The following GOLGA4 variants were observed in gnomAD, a reference collection of about 807,000 sequenced individuals.
GOLGA4 encodes the protein golgin A4, also known as golgin subfamily A member 4.
GOLGA4 carries 169 observed loss-of-function variants against 265.9 expected under a neutral mutation model. That is an observed-to-expected ratio of 0.64 (90% CI 0.56 to 0.72). The LOEUF (loss-of-function observed/expected upper bound fraction) is 0.72, where lower values mean the gene tolerates loss of function less well. Among genes scored for constraint, GOLGA4 ranks in the 30% least tolerant of loss-of-function variants. The pLI, the probability that GOLGA4 is intolerant of heterozygous loss-of-function variation, is 0.00. For missense variants in GOLGA4, 2,482 were observed against 2,483.4 expected (o/e 1.00, Z 0.01); for synonymous variants, 923 against 855.8 (o/e 1.08, Z -1.37).
chr3:37,293,154 G>T (rs2096869343), intron 5 of GOLGA4, among the ~76,000 whole-genome samples: 1 of 152,218 alleles, frequency 6.6e-6, no homozygotes, highest in African/African-American at 2.4e-5. Flanking sequence ...CTTGAGGTAA[G>T]AAATCTGTCT....
At chr3:37,340,042 C>A (rs2097027920) in intron 19 of GOLGA4, 82 bp from the exon 20 acceptor site, 4 of 638,790 alleles carry the variant, frequency 6.3e-6, no homozygotes, top group African/African-American at 1.9e-5. Context: ...ATTAAAAAAC[C>A]TTGTGGTGAC....
intron 2 of GOLGA4, among the ~76,000 whole-genome samples, chr3:37,262,260 C>G (rs1047346282): frequency 6.6e-6 from 1 of 152,104 alleles, no homozygotes; most frequent in African/African-American, 2.4e-5. Flanking sequence ...AATCTCAGCA[C>G]TTTGGGAGGC....
chr3:37,335,854 G>A (rs938137203), intron 17 of GOLGA4, among the ~76,000 whole-genome samples: 3 of 151,444 alleles, frequency 2.0e-5, no homozygotes, highest in Non-Finnish European at 4.4e-5. Context: ...GTGCACCTCA[G>A]CAGCACACAC....
At chr3:37,358,547 G>A (rs1384579183) in intron 22 of GOLGA4, among the ~76,000 whole-genome samples, 1 of 152,114 alleles carries the variant, frequency 6.6e-6, no homozygotes, top group Non-Finnish European at 1.5e-5. Flanking sequence ...TGGAAACTCA[G>A]GCAATTCTCA....
chr3:37,264,511 A>G (rs1006960230), intron 2 of GOLGA4, among the ~76,000 whole-genome samples: 3 of 152,290 alleles, frequency 2.0e-5, no homozygotes, highest in East Asian at 3.9e-4. Flanking sequence ...TGTTTTTCCT[A>G]TTTATAATTA....
In GOLGA4 at chr3:37,296,145, C is replaced by T. The variant is rs765171948; in HGVS notation, c.740C>T (p.Pro247Leu). ...CCGATGAATGTTGATGTACTGAAAC[C>T]ACTTCCTCAGCTGGAACCACAGGCT... Reference protein sequence around the residue: ...NGPMNVDVLKPLPQLEPQAEV... With the variant: ...NGPMNVDVLKLLPQLEPQAEV... The change falls in exon 7 of 24, where the codon CCA becomes CTA. Residue 247 changes from proline (P) to leucine (L), a missense_variant. Pro to Leu is a moderately conservative substitution (Grantham distance 98). This residue lies in a region of GOLGA4 where 1,536 missense variants were observed against 1,483.7 expected (regional missense o/e 1.04). Coordinates refer to ENST00000361924, the MANE Select transcript of GOLGA4 (RefSeq NM_002078.5). The T allele has an allele frequency of 1.2e-5, 19 of 1,613,512 alleles. No homozygotes were observed. Among genetic ancestry groups the T allele is most frequent in the Non-Finnish European group, 1.5e-5 (18 of 1,179,430 alleles).
At chr3:37,288,481 GTT>G (rs1171164274) in intron 4 of GOLGA4, among the ~76,000 whole-genome samples, 3 of 136,376 alleles carry the variant, frequency 2.2e-5, no homozygotes, top group Middle Eastern at 3.8e-3. Context: ...TTTCTGGATG[GTT>G]TTTTTTTTTT....
chr3:37,344,641 C>T (rs1280513377), intron 20 of GOLGA4, among the ~76,000 whole-genome samples: 2 of 151,902 alleles, frequency 1.3e-5, no homozygotes, highest in Non-Finnish European at 2.9e-5. Context: ...CCTTCACTAT[C>T]TTAATAACTG....
At chr3:37,290,691 C>G (rs1181881269) in intron 5 of GOLGA4, among the ~76,000 whole-genome samples, 2 of 152,050 alleles carry the variant, frequency 1.3e-5, no homozygotes, top group African/African-American at 4.8e-5. Flanking sequence ...GGAACAAAAC[C>G]TTAACTCCTG....
At chr3:37,276,922 A>G (rs1264352552) in intron 2 of GOLGA4, among the ~76,000 whole-genome samples, 2 of 152,186 alleles carry the variant, frequency 1.3e-5, no homozygotes, top group African/African-American at 2.4e-5. Flanking sequence ...TACACTGTGA[A>G]ACATACACAG....
chr3:37,356,571 C>G (rs188142331), intron 22 of GOLGA4, among the ~76,000 whole-genome samples: 1 of 152,194 alleles, frequency 6.6e-6, no homozygotes, highest in East Asian at 1.9e-4. Flanking sequence ...AAATATGTCA[C>G]TATAATGTAT....
intron 2 of GOLGA4, among the ~76,000 whole-genome samples, chr3:37,273,158 T>A (rs2096803487): frequency 6.6e-6 from 1 of 152,234 alleles, no homozygotes; most frequent in Non-Finnish European, 1.5e-5. Context: ...AGGAAAAAAT[T>A]GAAATTACTT....
chr3:37,304,348 T>C (rs2096900771), intron 10 of GOLGA4, among the ~76,000 whole-genome samples: 1 of 152,218 alleles, frequency 6.6e-6, no homozygotes, highest in African/African-American at 2.4e-5. Flanking sequence ...TGGACTTATT[T>C]TATGGATAAA....
chr3:37,285,194 T>C (rs2096845252), intron 3 of GOLGA4, among the ~76,000 whole-genome samples: 1 of 144,464 alleles, frequency 6.9e-6, no homozygotes, highest in African/African-American at 2.6e-5. Context: ...AGAGACAAGG[T>C]CTCACTAAAT....
At position 37,328,525 on chromosome 3, in the gene GOLGA4, A is replaced by G. The variant is rs746741226; in HGVS notation, c.6049A>G (p.Lys2017Glu). Residue 2017 changes from lysine to glutamate, a missense_variant, in exon 15 of 24, where the codon AAA becomes GAA. Physicochemically the swap from Lys to Glu is moderately conservative, Grantham distance 56 (BLOSUM62 1). Around this residue, in one of 3 missense-constraint regions of GOLGA4, gnomAD observed 942 missense variants for 983.1 expected, o/e 0.96. Coordinates refer to ENST00000361924, the MANE Select transcript of GOLGA4 (RefSeq NM_002078.5). ...QKEQELEMTI[K>E]ETINKAQEVE... Reference sequence around the variant, plus strand: ...GGAACAAGAGCTGGAAATGACCATAAAAGAAACTATCAGTAAGTAAAATTA... The same window carrying G: ...GGAACAAGAGCTGGAAATGACCATAGAAGAAACTATCAGTAAGTAAAATTA... The G allele has an allele frequency of 6.2e-7, 1 of 1,611,572 alleles. No homozygotes were observed. Among genetic ancestry groups the G allele is most frequent in the South Asian group, 1.1e-5 (1 of 90,698 alleles).
intron 10 of GOLGA4, chr3:37,302,812 A>G (rs79472533): frequency 0.01 from 1,562 of 154,410 alleles, 15 homozygotes; most frequent in South Asian, 0.049. Context: ...GAGAATAATG[A>G]ACACTTCAGT....
intron 16 of GOLGA4, among the ~76,000 whole-genome samples, chr3:37,331,905 G>C (rs773869360): frequency 9.9e-5 from 15 of 151,990 alleles, no homozygotes; most frequent in Admixed American, 2.0e-4. Context: ...ACATATAACG[G>C]GCTCACAGGA....
chr3:37,243,349 G>A lies in GOLGA4; in HGVS notation c.-202G>A, dbSNP rs2096707931. On this transcript the variant is annotated 5_prime_UTR_variant, in exon 1 of 24. Transcript: ENST00000361924. ...GGCCGAGGCCAGCCAGTGGCACCCG[G>A]AAGAAAGAGACGCGGCGGCGGCGAC... 1.7e-6 allele frequency: 1 copy of A among 579,336 alleles called. No individual in the cohort carries two copies. Among genetic ancestry groups the A allele is most frequent in the Non-Finnish European group, 3.1e-6 (1 of 322,832 alleles). 35.9% of individuals were successfully genotyped at this position (579,336 alleles called of 1,614,324 possible). A position where few individuals can be genotyped will look rare whatever the true frequency, so the allele number is the denominator to read the frequency against.
chr3:37,308,001 A>C (rs2096911737), intron 10 of GOLGA4, among the ~76,000 whole-genome samples: 1 of 152,182 alleles, frequency 6.6e-6, no homozygotes, highest in Admixed American at 6.5e-5. Flanking sequence ...TGGGAGACTG[A>C]GGCGGGTGGA....
Sources: allele counts gnomAD v4.1 joint callset (sites outside exome capture counted in the v4.1 genomes callset), GRCh38; gene constraint gnomAD v4.1.1; regional missense constraint gnomAD v4.1.1; transcripts MANE v1.5; gene names NCBI Gene and HGNC (gene_info 2026-07-23, HGNC 2026-07-21).